TMC7: variants seen among roughly 807,000 people sequenced by gnomAD.
TMC7 encodes transmembrane channel-like protein 7.
Under a neutral mutation model 82.9 loss-of-function variants are expected in TMC7, and 54 were observed. That is an observed-to-expected ratio of 0.65 (90% CI 0.52 to 0.82). The LOEUF is 0.82. TMC7 is among the 40% of genes least tolerant of loss of function. The pLI is 0.00. For missense variants in TMC7, 820 were observed against 901.2 expected (o/e 0.91, Z 1.15); for synonymous variants, 350 against 337.9 (o/e 1.04, Z -0.39).
intron 6 of TMC7, among the ~76,000 whole-genome samples, chr16:19,032,482 C>T (rs1470189632): frequency 6.7e-6 from 1 of 149,338 alleles, no homozygotes; most frequent in Non-Finnish European, 1.5e-5. Flanking sequence ...TATGGACCTA[C>T]AGGGTAGACA....
intron 6 of TMC7, among the ~76,000 whole-genome samples, chr16:19,032,997 G>T (rs548139022): frequency 1.3e-5 from 2 of 152,264 alleles, no homozygotes; most frequent in South Asian, 4.1e-4. Context: ...GGGCTTGATT[G>T]CTTTCTGGGG....
intron 1 of TMC7, among the ~76,000 whole-genome samples, chr16:18,994,696 G>A (rs894780749): frequency 6.6e-6 from 1 of 152,032 alleles, no homozygotes; most frequent in African/African-American, 2.4e-5. Flanking sequence ...ACCACGGGGT[G>A]GATAGGGAAG....
rs565800427 is a variant in TMC7, at chr16:19,044,354, T to A, written c.1338-530T>A. Among the ~76,000 whole-genome samples, 4 of 152,140 alleles carry A rather than the reference T, an allele frequency of 2.6e-5. No homozygotes were observed. In the East Asian group the frequency reaches 7.8e-4, roughly 30 times the overall value. On this transcript the variant is annotated intron_variant, in intron 9 of 15. Coordinates refer to ENST00000304381, the MANE Select transcript of TMC7 (RefSeq NM_024847.4). ...ACCACACCTTGCTCATTTTTATTTT[T>A]ATTTTTTTGTAGAGACGGCCAGGGG...
intron 5 of TMC7, 106 bp from the exon 6 acceptor site, chr16:19,030,118 G>A (rs1960440687): frequency 8.5e-7 from 1 of 1,178,476 alleles, no homozygotes; most frequent in Non-Finnish European, 1.2e-6. Flanking sequence ...GGGATACAGA[G>A]AGGAAAGGGG....
intron 12 of TMC7, among the ~76,000 whole-genome samples, chr16:19,048,489 T>C (rs1228352435): frequency 6.6e-6 from 1 of 152,178 alleles, no homozygotes; most frequent in Admixed American, 6.6e-5. Context: ...TGGCATGATC[T>C]TGACTCACGG....
chr16:19,040,388 A>G lies in TMC7; in HGVS notation c.1279A>G (p.Lys427Glu), dbSNP rs1160583917. The G allele has an allele frequency of 6.2e-7, 1 of 1,613,872 alleles. No individual in the cohort carries two copies. Among genetic ancestry groups the G allele is most frequent in the East Asian group, 2.2e-5 (1 of 44,876 alleles). ...ANFITPMIFAKIIRYEDYSPG... is the reference protein window; with the variant it reads ...ANFITPMIFAEIIRYEDYSPG... ...TTTTATCACCCCAATGATCTTTGCC[A>G]AGATCATCCGCTATGAGGATTATTC... The change falls in exon 9 of 16, where the codon AAG (lysine) becomes GAG (glutamate). Residue 427 changes from lysine (K) to glutamate (E), a missense_variant. Coordinates refer to ENST00000304381, the MANE Select transcript of TMC7 (RefSeq NM_024847.4).
chr16:19,056,497 T>C, intron 13 of TMC7, 45 bp from the exon 14 acceptor site: 1 of 1,586,050 alleles, frequency 6.3e-7, no homozygotes, highest in Non-Finnish European at 8.6e-7. Context: ...ACACTCAACC[T>C]GTGCTGCACG....
intron 1 of TMC7, among the ~76,000 whole-genome samples, chr16:19,008,696 C>A (rs551732324): frequency 6.6e-6 from 1 of 152,178 alleles, no homozygotes; most frequent in African/African-American, 2.4e-5. Context: ...GCCTGACACA[C>A]AGGAAATGCT....
At chr16:19,026,294 G>C (rs1046240343) in intron 5 of TMC7, among the ~76,000 whole-genome samples, 1 of 151,800 alleles carries the variant, frequency 6.6e-6, no homozygotes, top group Non-Finnish European at 1.5e-5. Flanking sequence ...GGCTAACACA[G>C]TGAAACCCTG....
At chr16:19,023,373 C>T (rs944278507) in intron 5 of TMC7, among the ~76,000 whole-genome samples, 178 bp downstream of exon 5, 4 of 152,292 alleles carry the variant, frequency 2.6e-5, no homozygotes, top group East Asian at 3.9e-4. Flanking sequence ...TGTTCACCAT[C>T]GCCTGTTAGA....
At position 19,063,406 on chromosome 16, in the gene TMC7, A is replaced by G. The variant is rs1241076702; in HGVS notation, c.*1563A>G. On this transcript the variant is annotated 3_prime_UTR_variant, in exon 16 of 16. Transcript: ENST00000304381. ...CGTCTCTACTAAAAGTACAAAAATT[A>G]GCCAGGCATGGTGGCGTGTGCCTGT... 1 of 152,296 alleles carries G rather than the reference A, an allele frequency of 6.6e-6. No homozygotes were observed. The highest frequency in any genetic ancestry group is 1.5e-5 in the Non-Finnish European group (1 of 68,110). The allele number at this position is 152,296 out of a possible 1,614,324, so 9.4% of individuals were successfully genotyped here.
intron 5 of TMC7, 60 bp from the exon 6 acceptor site, chr16:19,030,164 T>A: frequency 6.5e-7 from 1 of 1,545,322 alleles, no homozygotes; most frequent in Non-Finnish European, 8.7e-7. Flanking sequence ...CAGGGACTAC[T>A]CTTCTGGTTC....
chr16:19,046,968 T>G, intron 11 of TMC7, 95 bp from the exon 12 acceptor site: 39 of 1,071,726 alleles, frequency 3.6e-5, no homozygotes, highest in East Asian at 4.9e-5. Context: ...CCAGTGTCCA[T>G]GAGAAATATG....
intron 1 of TMC7, among the ~76,000 whole-genome samples, chr16:18,999,976 G>A (rs1466102490): frequency 6.6e-6 from 1 of 151,752 alleles, no homozygotes; most frequent in Non-Finnish European, 1.5e-5. Flanking sequence ...TGTTAGCCAG[G>A]ATGGTCTCGA....
intron 1 of TMC7, among the ~76,000 whole-genome samples, chr16:18,999,265 G>T (rs1414363522): frequency 6.6e-6 from 1 of 152,114 alleles, no homozygotes; most frequent in Non-Finnish European, 1.5e-5. Context: ...CTCTCAAAGT[G>T]TTGGGATTAT....
At chr16:19,056,448 G>A (rs1484485554) in intron 13 of TMC7, 94 bp from the exon 14 acceptor site, 1 of 1,448,714 alleles carries the variant, frequency 6.9e-7, no homozygotes, top group Non-Finnish European at 9.3e-7. Flanking sequence ...CTCCCTGTAG[G>A]CCATTGTTAA....
intron 1 of TMC7, among the ~76,000 whole-genome samples, chr16:18,989,862 G>C (rs965492962): frequency 6.6e-6 from 1 of 151,680 alleles, no homozygotes; most frequent in African/African-American, 2.4e-5. Flanking sequence ...TAGCTCTGTC[G>C]CCCAGCCTGA....
At chr16:19,034,318 G>A (rs576143461) in intron 6 of TMC7, among the ~76,000 whole-genome samples, 111 of 152,274 alleles carry the variant, frequency 7.3e-4, no homozygotes, top group African/African-American at 2.1e-3. Context: ...AAGGGATTGG[G>A]CTAGGTGCGG....
chr16:19,047,295 G>A (rs770316589), intron 12 of TMC7, 46 bp downstream of exon 12: 8 of 1,569,220 alleles, frequency 5.1e-6, no homozygotes, highest in Non-Finnish European at 6.9e-6. Flanking sequence ...GGCCATTTTC[G>A]ACCTTCCAGG....
Sources: allele counts gnomAD v4.1 joint callset (sites outside exome capture counted in the v4.1 genomes callset), GRCh38; gene constraint gnomAD v4.1.1; transcripts MANE v1.5; gene names NCBI Gene and HGNC (gene_info 2026-07-23, HGNC 2026-07-21).